The following ERG variants were observed in gnomAD, a reference collection of about 807,000 sequenced individuals.
ERG encodes ETS transcription factor ERG, also known as transcriptional regulator ERG.
A neutral mutation model predicts 55.3 loss-of-function variants in ERG; 9 were observed. That is an observed-to-expected ratio of 0.16 (90% CI 0.10 to 0.28). The LOEUF (loss-of-function observed/expected upper bound fraction) is 0.28, where lower values mean the gene tolerates loss of function less well. Ranked by LOEUF, ERG falls within the 10% of genes least tolerant of loss-of-function variation. ERG has a pLI of 1.00. For synonymous variants in ERG, 223 were observed against 237.3 expected (o/e 0.94, Z 0.55); for missense variants, 434 against 631.6 (o/e 0.69, Z 3.35).
chr21:38,611,940 G>T (rs1051998183), intron 1 of ERG, among the ~76,000 whole-genome samples: 4 of 152,164 alleles, frequency 2.6e-5, no homozygotes, highest in African/African-American at 9.7e-5. Flanking sequence ...AAAAAAAGCG[G>T]GGGGTTCATG....
At chr21:38,403,332 A>C (rs894147635) in intron 4 of ERG, among the ~76,000 whole-genome samples, 174 bp downstream of exon 4, 1 of 152,170 alleles carries the variant, frequency 6.6e-6, no homozygotes, top group Admixed American at 6.5e-5. Flanking sequence ...TGATGTGGCC[A>C]GGGTGTTGCT....
chr21:38,588,508 G>C (rs1420019188), upstream of ERG, among the ~76,000 whole-genome samples: 5 of 152,192 alleles, frequency 3.3e-5, no homozygotes, highest in Non-Finnish European at 7.3e-5. Flanking sequence ...TAAGCTTAAG[G>C]TGTCAAAGCA....
intron 1 of ERG, among the ~76,000 whole-genome samples, chr21:38,657,397 C>T (rs1367354256): frequency 6.6e-6 from 1 of 152,130 alleles, no homozygotes; most frequent in Non-Finnish European, 1.5e-5. Flanking sequence ...AAACTTAGAT[C>T]CAGCGCTCCA....
Position 38,383,078 on chromosome 21 carries a change from T to G in ERG, c.*325A>C. On this transcript the variant is annotated 3_prime_UTR_variant, in exon 10 of 10. Transcript: ENST00000288319. This position sits in a 1 kb window ranked among gnomAD's most constrained non-coding sequence, Gnocchi z 5.7. ...GCATTAGTGGGATTCCAAACTCTACTCTAAAGTTTATACATTTCTTAAGAC... is the reference window on the plus strand; with the variant it reads ...GCATTAGTGGGATTCCAAACTCTACGCTAAAGTTTATACATTTCTTAAGAC... The G allele has an allele frequency of 9.0e-7, 1 of 1,114,780 alleles. No individual in the cohort carries two copies. The highest frequency in any genetic ancestry group is 1.1e-6 in the Non-Finnish European group (1 of 913,118). The allele number at this position is 1,114,780 out of a possible 1,614,324, so 69.1% of individuals were successfully genotyped here.
At chr21:38,505,106 A>G (rs2059450308) in intron 2 of ERG, among the ~76,000 whole-genome samples, 1 of 152,152 alleles carries the variant, frequency 6.6e-6, no homozygotes, top group African/African-American at 2.4e-5. Context: ...TTGATGATTT[A>G]TTTACTAATT....
At chr21:38,583,876 TCCA>T (rs2060045642) in intron 1 of ERG, among the ~76,000 whole-genome samples, 1 of 152,176 alleles carries the variant, frequency 6.6e-6, no homozygotes, top group African/African-American at 2.4e-5. Context: ...ATCTTGGACA[TCCA>T]GCCTCCGGAA....
chr21:38,462,724 T>C (rs1399132311), intron 1 of ERG, among the ~76,000 whole-genome samples: 2 of 152,206 alleles, frequency 1.3e-5, no homozygotes, highest in African/African-American at 4.8e-5. Context: ...GGCATTTTTG[T>C]GCATCCTAAC....
At chr21:38,575,780 T>G in intron 1 of ERG, 1 of 1,478,386 alleles carries the variant, frequency 6.8e-7, no homozygotes. Context: ...TACATAATAA[T>G]AAACAACTGC....
At chr21:38,534,274 AT>A (rs570894594) in intron 2 of ERG, among the ~76,000 whole-genome samples, 17 of 151,988 alleles carry the variant, frequency 1.1e-4, no homozygotes, top group Non-Finnish European at 2.9e-5. Flanking sequence ...ACAATTTGTG[AT>A]TTTTTTTAAT....
intron 2 of ERG, among the ~76,000 whole-genome samples, chr21:38,554,673 G>A (rs771947491): frequency 6.6e-6 from 1 of 152,116 alleles, no homozygotes; most frequent in African/African-American, 2.4e-5. Flanking sequence ...GGCTGCTTGA[G>A]GGTGGAGGGT....
intron 1 of ERG, among the ~76,000 whole-genome samples, chr21:38,495,628 C>G (rs2059373185): frequency 6.6e-6 from 1 of 152,126 alleles, no homozygotes; most frequent in Non-Finnish European, 1.5e-5. Context: ...GGGGAGAGGA[C>G]TGTATTTCTG....
intron 2 of ERG, among the ~76,000 whole-genome samples, chr21:38,527,271 T>C (rs973722619): frequency 6.6e-6 from 1 of 152,140 alleles, no homozygotes; most frequent in African/African-American, 2.4e-5. Context: ...GCCAGCGCTA[T>C]TCCAAGTGTG....
intron 1 of ERG, among the ~76,000 whole-genome samples, chr21:38,643,867 T>A (rs464980): frequency 0.51 from 78,015 of 152,050 alleles, 20,297 homozygotes; most frequent in Middle Eastern, 0.63. Context: ...ATATGTTGGC[T>A]GGCCACGTGG....
intron 1 of ERG, among the ~76,000 whole-genome samples, chr21:38,607,034 G>C (rs2155717): frequency 0.071 from 10,875 of 152,106 alleles, 692 homozygotes; most frequent in African/African-American, 0.17. Flanking sequence ...AGTATTAAAA[G>C]TGACCAGAGA....
At chr21:38,493,169 T>C (rs1027683975) in intron 1 of ERG, among the ~76,000 whole-genome samples, 7 of 152,162 alleles carry the variant, frequency 4.6e-5, no homozygotes, top group Admixed American at 4.6e-4. Context: ...CCAATACTAA[T>C]AAAAAGTATT....
intron 6 of ERG, among the ~76,000 whole-genome samples, chr21:38,399,378 T>C (rs758785098): frequency 2.0e-5 from 3 of 152,160 alleles, no homozygotes; most frequent in Non-Finnish European, 4.4e-5. Flanking sequence ...CCAGTCTTTC[T>C]CATTAGAAAG....
intron 6 of ERG, among the ~76,000 whole-genome samples, chr21:38,398,582 GGT>G (rs1056722367): frequency 7.9e-5 from 12 of 152,298 alleles, no homozygotes; most frequent in African/African-American, 2.6e-4. Flanking sequence ...CGGCATGGGA[GGT>G]GTCTGAGTTT....
chr21:38,537,035 A>C (rs1389468631), intron 2 of ERG, among the ~76,000 whole-genome samples: 1 of 152,210 alleles, frequency 6.6e-6, no homozygotes, highest in Non-Finnish European at 1.5e-5. Flanking sequence ...AGTGGTTCAA[A>C]GATCATTTAA....
chr21:38,557,708 A>C (rs891774497), intron 2 of ERG, among the ~76,000 whole-genome samples: 2 of 152,196 alleles, frequency 1.3e-5, no homozygotes, highest in East Asian at 3.8e-4. Flanking sequence ...TAAAATCCTA[A>C]CCACATGGGG....
Sources: allele counts gnomAD v4.1 joint callset (sites outside exome capture counted in the v4.1 genomes callset), GRCh38; gene constraint gnomAD v4.1.1; non-coding constraint Gnocchi (gnomAD v3.1); transcripts MANE v1.5; gene names NCBI Gene and HGNC (gene_info 2026-07-23, HGNC 2026-07-21).